The following FANCA variants were observed in gnomAD, a reference collection of about 807,000 sequenced individuals.
FANCA encodes FA complementation group A.
Under a neutral mutation model 194.3 loss-of-function variants are expected in FANCA, and 236 were observed. The observed-to-expected ratio is 1.21, with a 90% confidence interval of 1.09 to 1.35. The LOEUF is 1.35. Ranked by LOEUF, FANCA falls within the 40% of genes most tolerant of loss-of-function variation. The pLI is 0.00. For missense variants in FANCA, 2,628 were observed against 1,813.9 expected (o/e 1.45, Z -8.15); for synonymous variants, 1,014 against 715.8 (o/e 1.42, Z -6.65).
chr16:89,738,127 G>C lies in FANCA; in HGVS notation c.*474C>G. 6.2e-7 allele frequency: 1 copy of C among 1,613,780 alleles called. No homozygotes were observed. The highest frequency in any genetic ancestry group is 8.5e-7 in the Non-Finnish European group (1 of 1,180,034). ...CAACCTCAATGTACACATGTCCATG[G>C]TGCACCCGCTGACACAGACCCAGGA... On this transcript the variant is annotated 3_prime_UTR_variant, in exon 43 of 43. Transcript: ENST00000389301.
At chr16:89,769,806 G>T (rs1376210710) in intron 26 of FANCA, 31 bp downstream of exon 26, 1 of 1,611,898 alleles carries the variant, frequency 6.2e-7, no homozygotes, top group Admixed American at 1.7e-5. Context: ...AGAGAGAGGA[G>T]AGAAGACGCG....
chr16:89,813,603 TTG>T (rs1428085464), intron 3 of FANCA, among the ~76,000 whole-genome samples: 2 of 151,962 alleles, frequency 1.3e-5, no homozygotes, highest in African/African-American at 2.4e-5. Flanking sequence ...CGGCTAATTT[TTG>T]TGTTTTTTAG....
In FANCA at chr16:89,778,523, G is replaced by A. The variant is rs568014874; in HGVS notation, c.1826+278C>T. 5 of 418,912 alleles carry A rather than the reference G, an allele frequency of 1.2e-5. No homozygotes were observed. In the East Asian group the frequency reaches 2.1e-4, roughly 18 times the overall value. The allele number at this position is 418,912 out of a possible 1,614,324, so 25.9% of individuals were successfully genotyped here. A position where few individuals can be genotyped will look rare whatever the true frequency, so the allele number is the denominator to read the frequency against. ...CAGGCTTGTAATCCCAGCTACTCAG[G>A]AGGCTGAAGCAAGAGAATCGCTTGA... On this transcript the variant is annotated intron_variant, in intron 20 of 42. Transcript: ENST00000389301.
At chr16:89,814,398 C>A in intron 3 of FANCA, 122 bp downstream of exon 3, 1 of 702,232 alleles carries the variant, frequency 1.4e-6, no homozygotes, top group Non-Finnish European at 2.4e-6. Flanking sequence ...TTTGCGACTA[C>A]ACACACCAGT....
At chr16:89,781,624 T>A (rs925025140) in intron 17 of FANCA, among the ~76,000 whole-genome samples, 6 of 137,514 alleles carry the variant, frequency 4.4e-5, no homozygotes, top group African/African-American at 1.7e-4. Flanking sequence ...TGCAGTAAGC[T>A]GAGATCGCAC....
intron 10 of FANCA, chr16:89,798,941 G>C: frequency 6.2e-7 from 1 of 1,609,516 alleles, no homozygotes; most frequent in Non-Finnish European, 8.5e-7. Context: ...GGATACTGCA[G>C]TGGGCGCACC....
At chr16:89,805,140 G>A (rs2040590803) in intron 7 of FANCA, 140 bp downstream of exon 7, 9 of 700,900 alleles carry the variant, frequency 1.3e-5, no homozygotes, top group South Asian at 1.2e-4. Context: ...AACAGGCTGA[G>A]ACTGGGAGTC....
At chr16:89,806,347 CT>C (rs34862478) in intron 6 of FANCA, among the ~76,000 whole-genome samples, 137 of 110,412 alleles carry the variant, frequency 1.2e-3, no homozygotes, top group Non-Finnish European at 1.6e-3. Context: ...CTATATCATT[CT>C]TTTTTTTTTT....
intron 37 of FANCA, among the ~76,000 whole-genome samples, chr16:89,742,100 T>G (rs2062147360): frequency 6.6e-6 from 1 of 152,098 alleles, no homozygotes; most frequent in African/African-American, 2.4e-5. Context: ...TGAGTAGCTT[T>G]ACAGGCTATG....
intron 10 of FANCA, among the ~76,000 whole-genome samples, chr16:89,796,331 G>A (rs1172194872): frequency 1.3e-5 from 2 of 152,042 alleles, no homozygotes; most frequent in African/African-American, 2.4e-5. Context: ...GGCAGGCCGC[G>A]CCGCACCCGG....
intron 17 of FANCA, among the ~76,000 whole-genome samples, chr16:89,780,665 A>G (rs1451107646): frequency 6.6e-6 from 1 of 151,778 alleles, no homozygotes. Context: ...GCGGCAGCTC[A>G]CATCTGTAAT....
intron 26 of FANCA, among the ~76,000 whole-genome samples, chr16:89,767,902 T>C (rs948376697): frequency 4.6e-5 from 7 of 152,098 alleles, no homozygotes; most frequent in African/African-American, 1.7e-4. Flanking sequence ...GACAGGCTGG[T>C]CTCGAACTGC....
In FANCA at chr16:89,771,723, A is replaced by G. The variant is rs1212354627; in HGVS notation, c.2106T>C (p.Ile702=). ...EDDSSVEISK[I]QLSINTPRLE... ...GTCTCGGCGTGTTGATGCTGAGCTG[A>G]ATCTTTGATATCTCAACGCTGCTGT... Residue 702 remains isoleucine (I), a synonymous_variant, in exon 23 of 43, where the codon ATT becomes ATC. Transcript: ENST00000389301. 1 of 1,614,038 alleles carries G rather than the reference A, an allele frequency of 6.2e-7. No homozygotes were observed. The highest frequency in any genetic ancestry group is 1.3e-5 in the African/African-American group (1 of 74,912).
At chr16:89,790,677 C>G (rs1057294564) in intron 14 of FANCA, among the ~76,000 whole-genome samples, 2 of 151,068 alleles carry the variant, frequency 1.3e-5, no homozygotes, top group African/African-American at 4.9e-5. Flanking sequence ...TGCAGTGAGC[C>G]GAGAAGGTGA....
intron 26 of FANCA, among the ~76,000 whole-genome samples, chr16:89,768,291 G>A (rs1160362507): frequency 6.6e-6 from 1 of 152,210 alleles, no homozygotes; most frequent in African/African-American, 2.4e-5. Flanking sequence ...AACCAAGGAA[G>A]CTCAGAATGA....
intron 5 of FANCA, chr16:89,810,463 T>G: frequency 2.0e-6 from 1 of 496,140 alleles, no homozygotes. Context: ...GCTAAACGTG[T>G]TTTTCAATAT....
Position 89,795,987 on chromosome 16 carries a change from T to C in FANCA, c.925A>G (p.Ser309Gly). Reference sequence around the variant, plus strand: ...TTCAGAGGATCTGTGGAAATTACACTGCCAAGCGTGTGTCCACTGAACACT... The same window carrying C: ...TTCAGAGGATCTGTGGAAATTACACCGCCAAGCGTGTGTCCACTGAACACT... ...FGVFSGHTLG[S>G]VISTDPLKRF... Residue 309 changes from serine (S) to glycine (G), a missense_variant, in exon 11 of 43, where the codon AGT (serine) becomes GGT (glycine). Coordinates refer to ENST00000389301, the MANE Select transcript of FANCA (RefSeq NM_000135.4). 6.2e-7 allele frequency: 1 copy of C among 1,614,092 alleles called. No individual in the cohort carries two copies. The highest frequency in any genetic ancestry group is 2.2e-5 in the East Asian group (1 of 44,882).
intron 6 of FANCA, among the ~76,000 whole-genome samples, chr16:89,806,478 T>G (rs1245614672): frequency 6.6e-6 from 1 of 151,666 alleles, no homozygotes; most frequent in Non-Finnish European, 1.5e-5. Context: ...CTGGTTTTCC[T>G]AGGCAGAGGA....
At chr16:89,816,194 G>A (rs774680983) in intron 1 of FANCA, 2 of 589,066 alleles carry the variant, frequency 3.4e-6, no homozygotes, top group South Asian at 3.5e-5. Context: ...GAGGGCCCGA[G>A]GCAGGGGAGC....
Sources: gnomAD v4.1 joint callset for allele counts (sites outside exome capture counted in the v4.1 genomes callset) on GRCh38, gnomAD v4.1.1 for gene constraint, MANE v1.5 for transcripts, NCBI Gene and HGNC (gene_info 2026-07-23, HGNC 2026-07-21) for gene names.